Variants in ZNF732 observed in about 807,000 individuals in gnomAD.
ZNF732 encodes the protein zinc finger protein 732, also known as zinc finger protein LOC654254.
ZNF732 carries 12 observed loss-of-function variants against 11.5 expected under a neutral mutation model. The observed-to-expected ratio is 1.05, with a 90% confidence interval of 0.67 to 1.70. The LOEUF (loss-of-function observed/expected upper bound fraction) is 1.70, where lower values mean the gene tolerates loss of function less well. Ranked by LOEUF, ZNF732 falls within the 40% of genes most tolerant of loss-of-function variation. The pLI is 0.00. For missense variants in ZNF732, 702 were observed against 676.9 expected (o/e 1.04, Z -0.41); for synonymous variants, 231 against 236.5 (o/e 0.98, Z 0.21).
At chr4:280,086 A>AAAAAT (rs142657285) in intron 3 of ZNF732, among the ~76,000 whole-genome samples, 4 of 151,766 alleles carry the variant, frequency 2.6e-5, no homozygotes, top group African/African-American at 9.7e-5. Context: ...TTAAAAACAA[A>AAAAAT]AAATAATTGA....
At chr4:276,180 G>C (rs1481317924) in intron 3 of ZNF732, among the ~76,000 whole-genome samples, 1 of 151,620 alleles carries the variant, frequency 6.6e-6, no homozygotes, top group African/African-American at 2.4e-5. Context: ...ACTCACCTAG[G>C]CAGGGTAAAA....
chr4:272,748 G>C, intron 3 of ZNF732, 118 bp from the exon 4 acceptor site: 1 of 981,422 alleles, frequency 1.0e-6, no homozygotes, highest in Non-Finnish European at 1.4e-6. Context: ...AAATACCACA[G>C]GCCATAATTT....
At chr4:281,484 G>C (rs1719620266) in intron 3 of ZNF732, among the ~76,000 whole-genome samples, 1 of 152,176 alleles carries the variant, frequency 6.6e-6, no homozygotes, top group Non-Finnish European at 1.5e-5. Flanking sequence ...TATATAACTG[G>C]AGGCTTTTTT....
intron 1 of ZNF732, among the ~76,000 whole-genome samples, chr4:300,018 T>C (rs1029639526): frequency 3.3e-5 from 5 of 151,338 alleles, no homozygotes; most frequent in Admixed American, 6.6e-5. Flanking sequence ...AGTATATTTT[T>C]AAAGGCAAAA....
intron 3 of ZNF732, among the ~76,000 whole-genome samples, chr4:280,586 A>C (rs1232314027): frequency 6.6e-6 from 1 of 151,906 alleles, no homozygotes; most frequent in Non-Finnish European, 1.5e-5. Context: ...AAATTCTGCC[A>C]AAAAAAAGCA....
intron 3 of ZNF732, among the ~76,000 whole-genome samples, chr4:288,199 TCTTAGGTGGG>T (rs1719770511): frequency 6.6e-6 from 1 of 152,352 alleles, no homozygotes; most frequent in South Asian, 2.1e-4. Context: ...CTTTTGTGCT[TCTTAGGTGGG>T]ACTCTTAATG....
At chr4:281,327 T>C (rs2353602) in intron 3 of ZNF732, among the ~76,000 whole-genome samples, 9,271 of 152,248 alleles carry the variant, frequency 0.061, 477 homozygotes, top group African/African-American at 0.14. Flanking sequence ...ATCAGTTTCA[T>C]ACCCTCTCAG....
intron 3 of ZNF732, among the ~76,000 whole-genome samples, chr4:277,680 AAAC>A (rs1335114423): frequency 2.0e-5 from 3 of 152,140 alleles, no homozygotes; most frequent in African/African-American, 7.2e-5. Flanking sequence ...TATAGAAAAA[AAAC>A]AAGTATCACA....
intron 3 of ZNF732, among the ~76,000 whole-genome samples, chr4:291,871 T>G (rs1560162217): frequency 6.6e-6 from 1 of 151,970 alleles, no homozygotes; most frequent in Non-Finnish European, 1.5e-5. Context: ...AATACAGATA[T>G]AAAAAAACCA....
chr4:286,601 C>T (rs1357273089), intron 3 of ZNF732, among the ~76,000 whole-genome samples: 2 of 152,158 alleles, frequency 1.3e-5, no homozygotes, highest in African/African-American at 2.4e-5. Context: ...TAGTTAAATG[C>T]TTAGAAACAG....
intron 3 of ZNF732, among the ~76,000 whole-genome samples, chr4:291,424 C>CA (rs1318089322): frequency 1.3e-5 from 2 of 150,092 alleles, no homozygotes; most frequent in Admixed American, 6.6e-5. Context: ...ACAAAATTTC[C>CA]AAAAAAAGAA....
rs1719947457 is a variant in ZNF732 at position 296,135 on chromosome 4, A to G, written c.24T>C (p.Asp8=). MELLTFR[D]VAIEFSPEEW... ...CTTCTGGAGAGAATTCTATGGCCAC[A>G]TCCCTGAATGTTAAGAGTTCCTGAA... Residue 8 remains aspartate (D), a synonymous_variant, in exon 2 of 4, where the codon GAT becomes GAC. Coordinates refer to ENST00000419098, the MANE Select transcript of ZNF732 (RefSeq NM_001137608.3). 3 of 1,612,132 alleles carry G rather than the reference A, an allele frequency of 1.9e-6. No individual in the cohort carries two copies. Among genetic ancestry groups the G allele is most frequent in the Non-Finnish European group, 2.5e-6 (3 of 1,179,564 alleles).
intron 3 of ZNF732, among the ~76,000 whole-genome samples, chr4:293,432 A>C (rs1719886570): frequency 6.6e-6 from 1 of 151,944 alleles, no homozygotes; most frequent in Admixed American, 6.6e-5. Context: ...AGCCAAACAC[A>C]GAGAGACAAA....
intron 1 of ZNF732, among the ~76,000 whole-genome samples, chr4:304,278 ACTC>A (rs1371541219): frequency 6.6e-6 from 1 of 151,102 alleles, no homozygotes; most frequent in African/African-American, 2.4e-5. Flanking sequence ...GTTTCTCAGA[ACTC>A]CTTTCCTCTA....
chr4:297,368 A>G (rs1719975780), intron 1 of ZNF732, among the ~76,000 whole-genome samples: 1 of 152,158 alleles, frequency 6.6e-6, no homozygotes, highest in African/African-American at 2.4e-5. Flanking sequence ...GCACTGTGCT[A>G]AGACACTCAC....
At position 305,380 on chromosome 4, in the gene ZNF732, G is replaced by GGAGGCT; in HGVS notation, c.-76_-71dup. 1 of 1,597,342 alleles carries GGAGGCT rather than the reference G, an allele frequency of 6.3e-7. No homozygotes were observed. The highest frequency in any genetic ancestry group is 1.1e-5 in the South Asian group (1 of 90,872). ...CAATACCCGCAGGTCACAGAGCGAC[G>GGAGGCT]GAGGCTGAGGCTGTGACCGAATCAC... On this transcript the variant is annotated 5_prime_UTR_variant, in exon 1 of 4. Transcript: ENST00000419098.
At chr4:274,120 A>G (rs1042432245) in intron 3 of ZNF732, among the ~76,000 whole-genome samples, 2 of 151,800 alleles carry the variant, frequency 1.3e-5, no homozygotes, top group Non-Finnish European at 3.0e-5. Context: ...CTGTACCACT[A>G]TCATATTACA....
intron 1 of ZNF732, among the ~76,000 whole-genome samples, chr4:300,068 T>C (rs574025943): frequency 2.6e-4 from 39 of 151,746 alleles, no homozygotes; most frequent in Non-Finnish European, 4.3e-4. Context: ...TTGTCAGAAA[T>C]TCTTATTGGC....
chr4:292,828 C>T (rs1206550527), intron 3 of ZNF732, among the ~76,000 whole-genome samples: 2 of 136,784 alleles, frequency 1.5e-5, no homozygotes, highest in Non-Finnish European at 3.0e-5. Flanking sequence ...GGGCGGATCA[C>T]GAGCTCAGGA....
Sources: allele counts gnomAD v4.1 joint callset (sites outside exome capture counted in the v4.1 genomes callset), GRCh38; gene constraint gnomAD v4.1.1; transcripts MANE v1.5; gene names NCBI Gene and HGNC (gene_info 2026-07-23, HGNC 2026-07-21).